PIP5K1A: variants seen among roughly 807,000 people sequenced by gnomAD.
PIP5K1A encodes phosphatidylinositol-4-phosphate 5-kinase type 1 alpha.
A neutral mutation model predicts 72.9 loss-of-function variants in PIP5K1A; 46 were observed. The observed-to-expected ratio is 0.63, with a 90% CI of 0.50 to 0.81. The LOEUF (loss-of-function observed/expected upper bound fraction) is 0.81. PIP5K1A is among the 30% of genes least tolerant of loss of function. The pLI is 0.00. For missense variants in PIP5K1A, 458 were observed against 706.1 expected (o/e 0.65, Z 3.98); for synonymous variants, 228 against 255.1 (o/e 0.89, Z 1.01).
upstream of PIP5K1A, chr1:151,198,118 G>GT: frequency 2.1e-6 from 1 of 470,588 alleles, no homozygotes; most frequent in South Asian, 1.6e-5. Context: ...TCCGAGGAAG[G>GT]TAAGACATGC....
intron 12 of PIP5K1A, among the ~76,000 whole-genome samples, chr1:151,241,381 G>A (rs1339128023): frequency 2.0e-5 from 3 of 151,708 alleles, no homozygotes; most frequent in Admixed American, 6.6e-5. Flanking sequence ...GTGGGCTCCT[G>A]TAGTCCCAGC....
In PIP5K1A at chr1:151,242,145, G is replaced by A; in HGVS notation, c.1386G>A (p.Lys462=). The change falls in exon 13 of 16, where the codon AAG becomes AAA. Residue 462 remains lysine (K), a synonymous_variant. Transcript: ENST00000368888. ...AAGTGAAGCCTTCTCCTTCCAAAAA[G>A]TTTCGGTCTGGCTCATCTTTCTCTC... ...KIPLKPSPSK[K]FRSGSSFSRR... is the part of the protein sequence containing the mutation. The A allele has an allele frequency of 1.2e-6, 2 of 1,614,154 alleles. No homozygotes were observed. The highest frequency in any genetic ancestry group is 1.7e-6 in the Non-Finnish European group (2 of 1,180,034).
chr1:151,214,146 A>G (rs1378283463), intron 1 of PIP5K1A, among the ~76,000 whole-genome samples: 4 of 152,166 alleles, frequency 2.6e-5, no homozygotes, highest in East Asian at 3.8e-4. Flanking sequence ...TGACTGCGCC[A>G]TGATGTATAT....
At position 151,232,722 on chromosome 1, in the gene PIP5K1A, C is replaced by T. The variant is rs200887187; in HGVS notation, c.639+19C>T. On this transcript the variant is annotated intron_variant, in intron 7 of 15. Coordinates refer to ENST00000368888, the MANE Select transcript of PIP5K1A (RefSeq NM_001135638.2). ...CTACATGGTAAGGGAGAGAGAAGCA[C>T]TGTCCACCTGTGCTGCTCACTTCTG... The T allele has an allele frequency of 6.3e-4, 1,013 of 1,609,036 alleles. No homozygotes were observed. The highest frequency in any genetic ancestry group is 8.0e-4 in the Non-Finnish European group (937 of 1,176,928).
intron 1 of PIP5K1A, chr1:151,215,968 A>G (rs953583263): frequency 7.7e-7 from 1 of 1,303,372 alleles, no homozygotes; most frequent in Non-Finnish European, 1.0e-6. Flanking sequence ...TTAGGTTTCA[A>G]CTTTCTGTGC....
At chr1:151,202,515 C>G (rs1685342850) in intron 1 of PIP5K1A, among the ~76,000 whole-genome samples, 1 of 152,200 alleles carries the variant, frequency 6.6e-6, no homozygotes, top group Non-Finnish European at 1.5e-5. Flanking sequence ...TCTTGTCACC[C>G]AGGCTGGAGT....
chr1:151,241,781 C>G (rs933353269), intron 12 of PIP5K1A, among the ~76,000 whole-genome samples: 1 of 129,180 alleles, frequency 7.7e-6, no homozygotes, highest in African/African-American at 2.9e-5. Context: ...GCCTGGGCAA[C>G]AAGAGCGAAA....
intron 1 of PIP5K1A, among the ~76,000 whole-genome samples, chr1:151,207,054 G>A (rs1296166652): frequency 6.6e-6 from 1 of 151,868 alleles, no homozygotes; most frequent in Non-Finnish European, 1.5e-5. Context: ...ATTTTTAGTA[G>A]AGATGAGGTT....
chr1:151,240,994 G>T (rs989765744), intron 12 of PIP5K1A, among the ~76,000 whole-genome samples: 6 of 152,024 alleles, frequency 3.9e-5, no homozygotes, highest in African/African-American at 1.4e-4. Context: ...TTGAAACCCT[G>T]TCTCTACTAA....
chr1:151,222,165 T>A (rs1688484559), intron 1 of PIP5K1A, among the ~76,000 whole-genome samples: 1 of 152,204 alleles, frequency 6.6e-6, no homozygotes, highest in South Asian at 2.1e-4. Flanking sequence ...CATTGGTAGG[T>A]TGGATCTCTG....
chr1:151,223,694 T>C (rs1338371257), intron 1 of PIP5K1A, among the ~76,000 whole-genome samples: 1 of 123,164 alleles, frequency 8.1e-6, no homozygotes, highest in African/African-American at 3.1e-5. Context: ...AAAATAAAAA[T>C]TAAAAAAAAA....
intron 1 of PIP5K1A, among the ~76,000 whole-genome samples, chr1:151,223,285 C>T (rs1207792472): frequency 3.5e-5 from 5 of 143,138 alleles, no homozygotes; most frequent in African/African-American, 1.3e-4. Context: ...GGGAGAAGGA[C>T]GTTGCAGGGA....
chr1:151,232,476 C>T, intron 6 of PIP5K1A, 75 bp from the exon 7 acceptor site: 1 of 1,516,168 alleles, frequency 6.6e-7, no homozygotes. Flanking sequence ...AAAAGAATTG[C>T]ATCTGTAGTT....
rs781036906 is a variant in PIP5K1A at position 151,240,020 on chromosome 1, A to G, written c.1344A>G (p.Thr448=). The G allele has an allele frequency of 6.2e-7, 1 of 1,612,326 alleles. No individual in the cohort carries two copies. The highest frequency in any genetic ancestry group is 1.1e-5 in the South Asian group (1 of 90,984). ...GGTTCCAGCGCTTCATGTGCAACAC[A>G]GTATTTAAGAAGATTCCCTGTAAGT... ...AERFQRFMCN[T]VFKKIPLKPS... is the part of the protein sequence containing the mutation. The change falls in exon 12 of 16, where the codon ACA becomes ACG. Residue 448 remains threonine (T), a synonymous_variant. Coordinates refer to ENST00000368888, the MANE Select transcript of PIP5K1A (RefSeq NM_001135638.2).
chr1:151,206,781 G>A (rs1572153835), intron 1 of PIP5K1A, among the ~76,000 whole-genome samples: 3 of 152,074 alleles, frequency 2.0e-5, no homozygotes. Flanking sequence ...GGCCAGGCTG[G>A]TCTCTAACCC....
Position 151,227,365 on chromosome 1 carries a change from A to G in PIP5K1A, c.202A>G (p.Ser68Gly), listed in dbSNP as rs755582526. The G allele has an allele frequency of 3.1e-6, 5 of 1,613,220 alleles. No individual in the cohort carries two copies. In the South Asian group the frequency reaches 4.4e-5, roughly 14 times the overall value. ...GMPIKKIGHR[S>G]VDSSGETTYK... is the part of the protein sequence containing the mutation. ...GCCCATCAAGAAAATAGGCCATAGAAGTGTTGATTCCTCAGGAGAGACAAC... is the reference window on the plus strand; with the variant it reads ...GCCCATCAAGAAAATAGGCCATAGAGGTGTTGATTCCTCAGGAGAGACAAC... Residue 68 changes from serine (S) to glycine (G), a missense_variant, in exon 4 of 16, where the codon AGT (serine) becomes GGT (glycine). Ser to Gly is a moderately conservative substitution (Grantham distance 56, BLOSUM62 0). Coordinates refer to ENST00000368888, the MANE Select transcript of PIP5K1A (RefSeq NM_001135638.2).
intron 1 of PIP5K1A, among the ~76,000 whole-genome samples, chr1:151,222,763 C>T (rs1221025898): frequency 6.6e-6 from 1 of 152,082 alleles, no homozygotes; most frequent in East Asian, 1.9e-4. Context: ...AATCAGATTC[C>T]ATAGTTGCTA....
At chr1:151,227,701 G>A (rs903299710) in intron 4 of PIP5K1A, among the ~76,000 whole-genome samples, 39 of 152,222 alleles carry the variant, frequency 2.6e-4, no homozygotes, top group African/African-American at 9.4e-4. Flanking sequence ...GACCAACCTG[G>A]CCAACATGAT....
intron 1 of PIP5K1A, among the ~76,000 whole-genome samples, chr1:151,213,005 C>T (rs905608749): frequency 3.3e-5 from 5 of 151,130 alleles, no homozygotes; most frequent in Admixed American, 2.0e-4. Flanking sequence ...ATTCTCCTGC[C>T]TCAGCCTCTG....
Sources: gnomAD v4.1 joint callset for allele counts (sites outside exome capture counted in the v4.1 genomes callset) on GRCh38, gnomAD v4.1.1 for gene constraint, MANE v1.5 for transcripts, NCBI Gene and HGNC (gene_info 2026-07-23, HGNC 2026-07-21) for gene names.